The following AGBL1 variants were observed in gnomAD, a reference collection of about 807,000 sequenced individuals.
The protein encoded by AGBL1 is AGBL carboxypeptidase 1, also known as cytosolic carboxypeptidase 4.
In AGBL1, 130 loss-of-function variants were observed where a neutral mutation model predicts 118.9. The observed-to-expected ratio is 1.09, with a 90% CI of 0.95 to 1.26. The LOEUF is 1.26. AGBL1 is among the 50% of genes most tolerant of loss of function. The pLI, the probability that AGBL1 is intolerant of heterozygous loss-of-function variation, is 0.00. For synonymous variants in AGBL1, 555 were observed against 478.9 expected (o/e 1.16, Z -2.08); for missense variants, 1,584 against 1,298.1 (o/e 1.22, Z -3.38).
chr15:86,343,972 G>A (rs2080498926), intron 17 of AGBL1, among the ~76,000 whole-genome samples: 1 of 152,074 alleles, frequency 6.6e-6, no homozygotes, highest in Non-Finnish European at 1.5e-5. Context: ...CTCAAATCAA[G>A]CCATGAAAAA....
intron 21 of AGBL1, among the ~76,000 whole-genome samples, chr15:86,555,829 A>G (rs75093855): frequency 0.017 from 2,577 of 152,298 alleles, 29 homozygotes; most frequent in Middle Eastern, 0.037. Context: ...CTAAAAGAAA[A>G]CATATATGTG....
intron 23 of AGBL1, among the ~76,000 whole-genome samples, chr15:86,935,905 CACTTA>C (rs1003022874): frequency 3.3e-5 from 5 of 152,244 alleles, no homozygotes; most frequent in African/African-American, 1.2e-4. Context: ...AGGTCAAATT[CACTTA>C]GTTTACAAAT....
chr15:86,130,890 G>A (rs2141608687), intron 1 of AGBL1, among the ~76,000 whole-genome samples: 1 of 152,266 alleles, frequency 6.6e-6, no homozygotes, highest in African/African-American at 2.4e-5. Flanking sequence ...TCTCTTGTAT[G>A]GTTGCAGTCA....
At chr15:86,770,092 A>G (rs1169050929) in intron 22 of AGBL1, among the ~76,000 whole-genome samples, 2 of 152,028 alleles carry the variant, frequency 1.3e-5, no homozygotes, top group Non-Finnish European at 2.9e-5. Flanking sequence ...AATAGTCCCT[A>G]TTGGTTTTCT....
At chr15:86,304,765 A>C (rs2079812283) in intron 17 of AGBL1, 1 of 152,176 alleles carries the variant, frequency 6.6e-6, no homozygotes, top group Non-Finnish European at 1.5e-5. Context: ...TCTTTCCCTG[A>C]TGCTTGGACT....
intron 5 of AGBL1, among the ~76,000 whole-genome samples, chr15:86,172,398 A>G (rs1388198978): frequency 6.6e-6 from 1 of 152,196 alleles, no homozygotes; most frequent in Non-Finnish European, 1.5e-5. Flanking sequence ...TTATTTTGAA[A>G]TAGATATCGT....
chr15:86,958,741 T>C (rs774950724), intron 23 of AGBL1, among the ~76,000 whole-genome samples: 3 of 152,186 alleles, frequency 2.0e-5, no homozygotes, highest in African/African-American at 4.8e-5. Context: ...GTTCAGAAGA[T>C]ATTCATTTTG....
intron 17 of AGBL1, among the ~76,000 whole-genome samples, chr15:86,346,157 A>T (rs1181040844): frequency 6.0e-5 from 9 of 149,402 alleles, no homozygotes; most frequent in Admixed American, 1.3e-4. Flanking sequence ...TAATTTTTGT[A>T]TTTTTAGTAG....
intron 22 of AGBL1, among the ~76,000 whole-genome samples, chr15:86,751,770 G>T (rs2077856847): frequency 6.6e-6 from 1 of 152,056 alleles, no homozygotes. Context: ...TTACTGATAT[G>T]TGTATTTCTT....
intron 24 of AGBL1, among the ~76,000 whole-genome samples, chr15:86,992,446 T>C (rs2081343916): frequency 1.3e-5 from 2 of 152,220 alleles, no homozygotes; most frequent in African/African-American, 4.8e-5. Context: ...TTTTCATCTC[T>C]AGTAAGCCAC....
At chr15:86,172,485 T>G (rs1413308366) in intron 5 of AGBL1, among the ~76,000 whole-genome samples, 1 of 152,198 alleles carries the variant, frequency 6.6e-6, no homozygotes, top group African/African-American at 2.4e-5. Context: ...TGTACCCACA[T>G]TAACCGATTT....
chr15:86,505,129 T>C (rs1320576452), intron 18 of AGBL1, among the ~76,000 whole-genome samples: 1 of 151,874 alleles, frequency 6.6e-6, no homozygotes, highest in Non-Finnish European at 1.5e-5. Context: ...TAGTTATTAA[T>C]TTCATTGTAG....
At chr15:86,133,668 T>C (rs928939089) in intron 1 of AGBL1, among the ~76,000 whole-genome samples, 4 of 152,332 alleles carry the variant, frequency 2.6e-5, no homozygotes, top group Admixed American at 1.3e-4. Flanking sequence ...ATACCCTTTT[T>C]ACCGAGGAGG....
intron 21 of AGBL1, among the ~76,000 whole-genome samples, chr15:86,585,142 ACTT>A (rs1408367715): frequency 6.6e-6 from 1 of 152,084 alleles, no homozygotes; most frequent in Non-Finnish European, 1.5e-5. Flanking sequence ...AGATAATTTG[ACTT>A]CTTCTTTTCC....
intron 22 of AGBL1, among the ~76,000 whole-genome samples, chr15:86,695,976 A>T (rs1320430009): frequency 6.6e-6 from 1 of 151,742 alleles, no homozygotes; most frequent in South Asian, 2.1e-4. Context: ...TATAATTTAG[A>T]TTTTCTTAAA....
At chr15:86,858,570 C>A (rs1236774175) in intron 22 of AGBL1, among the ~76,000 whole-genome samples, 2 of 152,014 alleles carry the variant, frequency 1.3e-5, no homozygotes, top group African/African-American at 4.8e-5. Flanking sequence ...CATTCACGGA[C>A]AACCTATTAT....
chr15:86,850,363 C>G (rs1239003708), intron 22 of AGBL1, among the ~76,000 whole-genome samples: 2 of 152,158 alleles, frequency 1.3e-5, no homozygotes, highest in African/African-American at 4.8e-5. Flanking sequence ...CTTTATTTGA[C>G]TTCCCAGTCT....
At chr15:86,337,414 A>G (rs1433954695) in intron 17 of AGBL1, among the ~76,000 whole-genome samples, 1 of 152,188 alleles carries the variant, frequency 6.6e-6, no homozygotes, top group Non-Finnish European at 1.5e-5. Flanking sequence ...GTGTATGTCC[A>G]TTGCCGCACT....
chr15:86,931,566 T>TTGCTGCTGCTGCTGCTGC lies in AGBL1; in HGVS notation c.3222-56388_3222-56371dup, dbSNP rs59067780. ...AGCAACAAAATGAATAGTGGTGCTT[T>TTGCTGCTGCTGCTGCTGC]TGCTGCTGCTGCTGCTGCTGCTGCT... On this transcript the variant is annotated intron_variant, in intron 23 of 24. Coordinates refer to the AGBL1 transcript ENST00000441037. Among the ~76,000 whole-genome samples the TTGCTGCTGCTGCTGCTGC allele has an allele frequency of 0.014, 2,103 of 150,502 alleles. 80 individuals carry two copies. In the East Asian group the frequency reaches 0.14, roughly 10 times the overall value.
Sources: allele counts gnomAD v4.1 joint callset (sites outside exome capture counted in the v4.1 genomes callset), GRCh38; gene constraint gnomAD v4.1.1; transcripts MANE v1.5; gene names NCBI Gene and HGNC (gene_info 2026-07-23, HGNC 2026-07-21).